The following LUZP2 variants were observed in gnomAD, a reference collection of about 807,000 sequenced individuals.
The protein encoded by LUZP2 is leucine zipper protein 2.
A neutral mutation model predicts 51.6 loss-of-function variants in LUZP2; 52 were observed. That is an observed-to-expected ratio of 1.01 (90% CI 0.81 to 1.27). The LOEUF (loss-of-function observed/expected upper bound fraction) is 1.27. Among genes scored for constraint, LUZP2 ranks in the 50% most tolerant of loss-of-function variants. The pLI is 0.00. For synonymous variants in LUZP2, 154 were observed against 137.3 expected, an observed-to-expected ratio of 1.12 and a Z score of -0.85; for missense variants, 436 against 395.4, an observed-to-expected ratio of 1.10 and a Z score of -0.87.
chr11:24,847,644 C>T (rs1051320732), intron 5 of LUZP2, among the ~76,000 whole-genome samples: 4 of 152,086 alleles, frequency 2.6e-5, no homozygotes, highest in Non-Finnish European at 5.9e-5. Flanking sequence ...TTGAGAAATA[C>T]GGGGTGGAGG....
intron 5 of LUZP2, among the ~76,000 whole-genome samples, chr11:24,865,792 G>A (rs972330358): frequency 2.0e-5 from 3 of 151,482 alleles, no homozygotes; most frequent in Non-Finnish European, 4.4e-5. Context: ...GTGTGTGTGT[G>A]TGTGTGTATA....
intron 1 of LUZP2, among the ~76,000 whole-genome samples, chr11:24,575,502 T>G (rs896326765): frequency 4.6e-5 from 7 of 152,228 alleles, no homozygotes; most frequent in Non-Finnish European, 4.4e-5. Flanking sequence ...CAGCATAGAT[T>G]TAGAATGATT....
In LUZP2 at chr11:24,914,053, T is replaced by C. The variant is rs75156360; in HGVS notation, c.460-423T>C. Among the ~76,000 whole-genome samples the C allele has an allele frequency of 9.6e-3, 1,462 of 152,272 alleles. 19 individuals are homozygous for C. The highest frequency in any genetic ancestry group is 0.043 in the South Asian group (210 of 4,828). ...TCTTGCTTCCGATCACATTTGCTTT[T>C]ACCTGGACATATGTCAAATTCAAAT... On this transcript the variant is annotated intron_variant, in intron 6 of 11. Transcript: ENST00000336930.
chr11:24,798,342 C>A (rs1297775772), intron 5 of LUZP2, among the ~76,000 whole-genome samples: 1 of 151,966 alleles, frequency 6.6e-6, no homozygotes, highest in Non-Finnish European at 1.5e-5. Flanking sequence ...GGACTAAAAG[C>A]ACACACCACC....
chr11:24,617,796 A>G (rs1854338712), intron 1 of LUZP2, among the ~76,000 whole-genome samples: 1 of 152,224 alleles, frequency 6.6e-6, no homozygotes, highest in South Asian at 2.1e-4. Context: ...ACTACACTCC[A>G]GCCTAGGTGA....
intron 5 of LUZP2, among the ~76,000 whole-genome samples, chr11:24,840,330 G>A (rs1319804542): frequency 2.0e-5 from 3 of 151,862 alleles, no homozygotes; most frequent in Admixed American, 1.3e-4. Flanking sequence ...AAGAGGCATA[G>A]CCTTATATAG....
rs865919603 is a variant in LUZP2, at chr11:24,661,454, A to T, written c.63-67715A>T. On this transcript the variant is annotated intron_variant, in intron 1 of 11. Transcript: ENST00000336930. ...TATCATCTTTATTAGATTCTGTGGG[A>T]TCTGTTCAATGGGCTGCAGACAGAT... Among the ~76,000 whole-genome samples, 5 of 152,120 alleles carry T rather than the reference A, an allele frequency of 3.3e-5. No individual in the cohort carries two copies. In the South Asian group the frequency reaches 1.0e-3, roughly 32 times the overall value.
At chr11:24,955,593 C>T (rs1855190006) in intron 7 of LUZP2, among the ~76,000 whole-genome samples, 1 of 151,930 alleles carries the variant, frequency 6.6e-6, no homozygotes, top group Non-Finnish European at 1.5e-5. Context: ...AGTACCAACA[C>T]ACACTTGTGA....
intron 5 of LUZP2, among the ~76,000 whole-genome samples, chr11:24,811,241 C>A (rs1260896226): frequency 1.3e-5 from 2 of 152,114 alleles, no homozygotes; most frequent in African/African-American, 2.4e-5. Flanking sequence ...TAGATTTCTC[C>A]ACTAGCCCTC....
intron 1 of LUZP2, among the ~76,000 whole-genome samples, chr11:24,540,721 G>C (rs183650253): frequency 1.2e-3 from 177 of 152,144 alleles, no homozygotes; most frequent in Non-Finnish European, 2.3e-3. Context: ...TGGAAAGATG[G>C]AACATGGGGG....
At chr11:24,671,443 A>G (rs2134002506) in intron 1 of LUZP2, among the ~76,000 whole-genome samples, 1 of 152,156 alleles carries the variant, frequency 6.6e-6, no homozygotes, top group East Asian at 1.9e-4. Flanking sequence ...TGAAAACTTG[A>G]TTTTAAAATA....
At chr11:25,077,112 G>A (rs1859331496) in intron 10 of LUZP2, among the ~76,000 whole-genome samples, 1 of 152,078 alleles carries the variant, frequency 6.6e-6, no homozygotes, top group African/African-American at 2.4e-5. Context: ...ACTGCCATAA[G>A]CACCACTGTG....
At chr11:24,562,085 A>G (rs1852059031) in intron 1 of LUZP2, among the ~76,000 whole-genome samples, 2 of 152,096 alleles carry the variant, frequency 1.3e-5, no homozygotes, top group African/African-American at 4.8e-5. Flanking sequence ...GGCGATGAGG[A>G]TTTTATGTGA....
intron 9 of LUZP2, among the ~76,000 whole-genome samples, chr11:25,047,953 G>A (rs1309524982): frequency 7.0e-6 from 1 of 143,180 alleles, no homozygotes; most frequent in East Asian, 2.1e-4. Flanking sequence ...TCATTAGCTA[G>A]GATTATAGGT....
At chr11:24,553,854 C>T (rs536900611) in intron 1 of LUZP2, among the ~76,000 whole-genome samples, 56 of 152,232 alleles carry the variant, frequency 3.7e-4, no homozygotes, top group African/African-American at 1.3e-3. Context: ...GTGGCAACTT[C>T]ACTATTTGTG....
At chr11:24,602,204 A>ATG (rs1157742068) in intron 1 of LUZP2, among the ~76,000 whole-genome samples, 1 of 78,258 alleles carries the variant, frequency 1.3e-5, no homozygotes, top group Non-Finnish European at 2.6e-5. Context: ...ATGTACATAT[A>ATG]TGTGTATATA....
chr11:24,602,152 ATATATG>A (rs1853706436), intron 1 of LUZP2, among the ~76,000 whole-genome samples: 1 of 123,380 alleles, frequency 8.1e-6, no homozygotes, highest in African/African-American at 3.3e-5. Flanking sequence ...GTATATATGT[ATATATG>A]TATATATGTG....
At chr11:24,546,234 T>C (rs1851538214) in intron 1 of LUZP2, among the ~76,000 whole-genome samples, 1 of 152,034 alleles carries the variant, frequency 6.6e-6, no homozygotes, top group Admixed American at 6.6e-5. Flanking sequence ...CAAATAAGGA[T>C]AGTTTGACTT....
intron 1 of LUZP2, among the ~76,000 whole-genome samples, chr11:24,528,128 G>A (rs1346910614): frequency 6.6e-6 from 1 of 151,178 alleles, no homozygotes; most frequent in East Asian, 1.9e-4. Flanking sequence ...AAATTTCATG[G>A]ATAATTGAAA....
Sources: allele counts gnomAD v4.1 joint callset (sites outside exome capture counted in the v4.1 genomes callset), GRCh38; gene constraint gnomAD v4.1.1; transcripts MANE v1.5; gene names NCBI Gene and HGNC (gene_info 2026-07-23, HGNC 2026-07-21).